The following CARMIL1 variants were observed in gnomAD, a reference collection of about 807,000 sequenced individuals.
CARMIL1 encodes the protein capping protein regulator and myosin 1 linker 1.
A neutral mutation model predicts 177.1 loss-of-function variants in CARMIL1; 90 were observed. The ratio of observed to expected loss-of-function variants is 0.51; its 90% CI spans 0.43 to 0.61. The LOEUF is 0.61. CARMIL1 is among the 20% of genes least tolerant of loss of function. The probability of loss-of-function intolerance (pLI) is 0.00; values close to 1 mark genes in which losing one functional copy is unlikely to be tolerated. For synonymous variants in CARMIL1, 577 were observed against 606.2 expected (o/e 0.95, Z 0.71); for missense variants, 1,380 against 1,667.0 (o/e 0.83, Z 3.00).
intron 2 of CARMIL1, among the ~76,000 whole-genome samples, chr6:25,328,289 C>A (rs2150264262): frequency 6.6e-6 from 1 of 152,162 alleles, no homozygotes; most frequent in South Asian, 2.1e-4. Context: ...GAGATCGAGT[C>A]ATGGTAAGGC....
chr6:25,616,273 A>T lies in CARMIL1; in HGVS notation c.3980-3174A>T, dbSNP rs543348356. On this transcript the variant is annotated intron_variant, in intron 36 of 36. Coordinates refer to ENST00000329474, the MANE Select transcript of CARMIL1 (RefSeq NM_017640.6). ...AAAGTCTAAATCTTATAAATATTTT[A>T]AAAATAAATTCTAGCGAGGCACAGT... 4.8e-3 allele frequency among the ~76,000 whole-genome samples: 730 copies of T among 152,342 alleles called. 6 individuals are homozygous for T. The highest frequency in any genetic ancestry group is 7.8e-3 in the Non-Finnish European group (528 of 68,030).
At chr6:25,485,632 G>A (rs1400165626) in intron 12 of CARMIL1, among the ~76,000 whole-genome samples, 3 of 151,856 alleles carry the variant, frequency 2.0e-5, no homozygotes, top group African/African-American at 4.8e-5. Flanking sequence ...ATGAGTTTTC[G>A]CCATGTTGGC....
chr6:25,364,002 C>T (rs1363770926), intron 2 of CARMIL1, among the ~76,000 whole-genome samples: 1 of 151,926 alleles, frequency 6.6e-6, no homozygotes, highest in African/African-American at 2.4e-5. Flanking sequence ...ACTACAGTAG[C>T]AATATCATGG....
chr6:25,452,003 C>CCCCCCCCCCCCCCCCT, intron 8 of CARMIL1: 1 of 294,088 alleles, frequency 3.4e-6, no homozygotes. Flanking sequence ...CCTCCCCCCC[C>CCCCCCCCCCCCCCCCT]CAGAATACTG....
intron 2 of CARMIL1, among the ~76,000 whole-genome samples, chr6:25,394,092 C>T (rs1793142073): frequency 6.6e-6 from 1 of 152,120 alleles, no homozygotes; most frequent in East Asian, 1.9e-4. Context: ...CTACCATTTA[C>T]ATTTTACTTG....
intron 2 of CARMIL1, among the ~76,000 whole-genome samples, chr6:25,297,069 A>G (rs1161944363): frequency 6.6e-6 from 1 of 152,240 alleles, no homozygotes; most frequent in Non-Finnish European, 1.5e-5. Context: ...CTGAGACTAC[A>G]GGCACAGGCC....
rs1798618283 is a variant in CARMIL1 at position 25,449,913 on chromosome 6, AG to A, written c.388del (p.Val130SerfsTer65). On this transcript the variant is annotated frameshift_variant, in exon 6 of 37. Coordinates refer to ENST00000329474, the MANE Select transcript of CARMIL1 (RefSeq NM_017640.6). LOFTEE classifies it high-confidence loss of function. ...GATCTTACAGGAGAATCATGAAAAAAGTCTCCATGGAGCCATCTGAGCGCCT... is the reference window on the plus strand; with the variant it reads ...GATCTTACAGGAGAATCATGAAAAAATCTCCATGGAGCCATCTGAGCGCCT... ...GLSPVRIMKK[V>X]SMEPSERLAS... The A allele has an allele frequency of 6.2e-7, 1 of 1,605,014 alleles. No homozygotes were observed. Among genetic ancestry groups the A allele is most frequent in the Non-Finnish European group, 8.5e-7 (1 of 1,174,640 alleles).
chr6:25,501,992 T>TA (rs34408599), intron 17 of CARMIL1, among the ~76,000 whole-genome samples: 51,082 of 97,138 alleles, frequency 0.53, 13,498 homozygotes, highest in East Asian at 0.59. Context: ...AGACATATTG[T>TA]AAAAAAAAAA....
chr6:25,573,255 C>T (rs1812266969), intron 29 of CARMIL1, among the ~76,000 whole-genome samples: 1 of 152,120 alleles, frequency 6.6e-6, no homozygotes, highest in Non-Finnish European at 1.5e-5. Context: ...TGACACATTG[C>T]TTAAGATGTT....
intron 8 of CARMIL1, among the ~76,000 whole-genome samples, chr6:25,459,277 T>TCTTTCTTTC (rs1450322009): frequency 2.1e-5 from 3 of 139,684 alleles, no homozygotes; most frequent in African/African-American, 2.6e-5. Flanking sequence ...TTTTTTTTTT[T>TCTTTCTTTC]TTTAAGACAG....
chr6:25,447,975 G>A (rs1798402202), intron 5 of CARMIL1, among the ~76,000 whole-genome samples: 1 of 152,022 alleles, frequency 6.6e-6, no homozygotes, highest in Admixed American at 6.6e-5. Context: ...CCTGCAGCAA[G>A]CCAGCTGCCC....
chr6:25,387,055 G>A (rs150041519), intron 2 of CARMIL1, among the ~76,000 whole-genome samples: 38 of 144,460 alleles, frequency 2.6e-4, no homozygotes, highest in African/African-American at 9.9e-4. Flanking sequence ...GTTTGAACCT[G>A]CGAGGCCGAG....
chr6:25,329,521 T>C (rs1785412822), intron 2 of CARMIL1, among the ~76,000 whole-genome samples: 1 of 152,170 alleles, frequency 6.6e-6, no homozygotes. Flanking sequence ...GATCAGGACA[T>C]GACACATTCA....
In CARMIL1 at chr6:25,546,427, C is replaced by T. The variant is rs137998004; in HGVS notation, c.2329-4483C>T. Among the ~76,000 whole-genome samples the T allele has an allele frequency of 6.0e-4, 92 of 152,112 alleles. 1 individual carries two copies. The East Asian group carries it at 0.016, about 26-fold the overall frequency. On this transcript the variant is annotated intron_variant, in intron 26 of 36. Coordinates refer to ENST00000329474, the MANE Select transcript of CARMIL1 (RefSeq NM_017640.6). Reference sequence around the variant, plus strand: ...AATATGTAAAAAGTTAGGCCAGGCACGGTGGCTCACACCTGTAATCCCAGC... The same window carrying T: ...AATATGTAAAAAGTTAGGCCAGGCATGGTGGCTCACACCTGTAATCCCAGC...
chr6:25,282,115 C>CA lies in CARMIL1; in HGVS notation c.40+2303dup, dbSNP rs55943273. On this transcript the variant is annotated intron_variant, in intron 1 of 36. Transcript: ENST00000329474. ...GGGCAATAAGAGTGAAACTCCATCT[C>CA]AAAAAAAAAAAAAAAAAAAAAAAGT... 2.9e-3 allele frequency among the ~76,000 whole-genome samples: 237 copies of CA among 81,700 alleles called. 5 individuals carry two copies. Among genetic ancestry groups the CA allele is most frequent in the East Asian group, 4.5e-3 (13 of 2,862 alleles). 53.6% of individuals were successfully genotyped at this position (81,700 alleles called of 152,430 possible). A position where few individuals can be genotyped will look rare whatever the true frequency, so the allele number is the denominator to read the frequency against.
At chr6:25,605,994 A>T in intron 34 of CARMIL1, 67 bp from the exon 35 acceptor site, 1 of 1,114,336 alleles carries the variant, frequency 9.0e-7, no homozygotes, top group Non-Finnish European at 1.3e-6. Context: ...AGTTTGTACC[A>T]GACTTCTAGC....
At chr6:25,447,488 G>C (rs1315618273) in intron 5 of CARMIL1, among the ~76,000 whole-genome samples, 1 of 152,204 alleles carries the variant, frequency 6.6e-6, no homozygotes, top group African/African-American at 2.4e-5. Context: ...TGAGAGCATT[G>C]TATGTAGCAG....
At chr6:25,359,403 G>A (rs901527026) in intron 2 of CARMIL1, among the ~76,000 whole-genome samples, 1 of 152,202 alleles carries the variant, frequency 6.6e-6, no homozygotes, top group African/African-American at 2.4e-5. Flanking sequence ...CTGTTGATGA[G>A]GCTCTCCTGG....
chr6:25,452,461 T>C (rs1582002173), intron 8 of CARMIL1: 2 of 448,458 alleles, frequency 4.5e-6, no homozygotes, highest in Non-Finnish European at 7.9e-6. Context: ...TTGGTCCCTT[T>C]ACAATCTTAA....
Sources: allele counts gnomAD v4.1 joint callset (sites outside exome capture counted in the v4.1 genomes callset), GRCh38; gene constraint gnomAD v4.1.1; transcripts MANE v1.5; gene names NCBI Gene and HGNC (gene_info 2026-07-23, HGNC 2026-07-21).